The following MAD1L1 variants were observed in gnomAD, a reference collection of about 807,000 sequenced individuals.
MAD1L1 encodes the protein mitotic spindle assembly checkpoint protein MAD1.
In MAD1L1, 95 loss-of-function variants were observed where a neutral mutation model predicts 96.9. The observed-to-expected ratio is 0.98, with a 90% CI of 0.83 to 1.16. MAD1L1 has a LOEUF of 1.16. Ranked by LOEUF, MAD1L1 falls within the 50% of genes most tolerant of loss-of-function variation. MAD1L1 has a pLI of 0.00. For missense variants in MAD1L1, 1,007 were observed against 954.4 expected (o/e 1.06, Z -0.73); for synonymous variants, 473 against 396.6 (o/e 1.19, Z -2.29).
chr7:2,202,690 C>T (rs541949956), intron 10 of MAD1L1, among the ~76,000 whole-genome samples: 1 of 152,336 alleles, frequency 6.6e-6, no homozygotes, highest in Non-Finnish European at 1.5e-5. Flanking sequence ...ACCTGACAGT[C>T]GCCCACCTTC....
At chr7:1,922,487 A>G (rs2128457071) in intron 17 of MAD1L1, among the ~76,000 whole-genome samples, 1 of 152,380 alleles carries the variant, frequency 6.6e-6, no homozygotes, top group East Asian at 1.9e-4. Context: ...AAGTGAGCTC[A>G]GCAAGGTTGC....
intron 16 of MAD1L1, among the ~76,000 whole-genome samples, chr7:1,937,511 G>C (rs1202542136): frequency 6.6e-6 from 1 of 152,134 alleles, no homozygotes; most frequent in Non-Finnish European, 1.5e-5. Flanking sequence ...CCTGTGGTGG[G>C]TGACCGACCC....
At chr7:2,048,126 G>A (rs1014833831) in intron 12 of MAD1L1, among the ~76,000 whole-genome samples, 1 of 152,202 alleles carries the variant, frequency 6.6e-6, no homozygotes, top group East Asian at 1.9e-4. Context: ...TAATGCTCAT[G>A]TGTGCATGCA....
At chr7:2,199,568 G>A (rs1378759125) in intron 10 of MAD1L1, among the ~76,000 whole-genome samples, 1 of 152,262 alleles carries the variant, frequency 6.6e-6, no homozygotes, top group Non-Finnish European at 1.5e-5. Context: ...GATGTCCCTG[G>A]AGTTTCGATT....
intron 11 of MAD1L1, among the ~76,000 whole-genome samples, chr7:2,112,663 T>C (rs1584350908): frequency 6.6e-6 from 1 of 152,150 alleles, no homozygotes; most frequent in African/African-American, 2.4e-5. Context: ...GGGTGCTGGA[T>C]GGAGCCAGTG....
intron 10 of MAD1L1, among the ~76,000 whole-genome samples, chr7:2,182,874 G>T (rs1471015944): frequency 6.6e-5 from 10 of 152,144 alleles, no homozygotes; most frequent in Non-Finnish European, 1.5e-4. Context: ...TTAGACAGTA[G>T]GTATGAGTGT....
chr7:1,884,833 G>A (rs867643133), intron 18 of MAD1L1, among the ~76,000 whole-genome samples: 4 of 152,250 alleles, frequency 2.6e-5, no homozygotes, highest in Admixed American at 6.5e-5. Context: ...AGGCCACAGC[G>A]CCCTCAGACG....
At chr7:1,957,971 G>A (rs147654921) in intron 15 of MAD1L1, among the ~76,000 whole-genome samples, 64 of 152,368 alleles carry the variant, frequency 4.2e-4, no homozygotes, top group Non-Finnish European at 4.1e-4. Context: ...GAAAGTCTCT[G>A]TCGACCACAC....
chr7:2,059,508 G>C (rs535417082), intron 12 of MAD1L1, among the ~76,000 whole-genome samples: 1 of 150,864 alleles, frequency 6.6e-6, no homozygotes, highest in African/African-American at 2.4e-5. Context: ...GGAAAGGTGC[G>C]GGGCTGGAAA....
At chr7:1,935,453 C>T (rs1778541289) in intron 17 of MAD1L1, among the ~76,000 whole-genome samples, 1 of 152,210 alleles carries the variant, frequency 6.6e-6, no homozygotes, top group African/African-American at 2.4e-5. Context: ...GGGCACACCA[C>T]CCGCTAGCCA....
At chr7:1,951,328 C>A (rs573384653) in intron 16 of MAD1L1, among the ~76,000 whole-genome samples, 1 of 152,230 alleles carries the variant, frequency 6.6e-6, no homozygotes, top group African/African-American at 2.4e-5. Flanking sequence ...GGACAGAGGC[C>A]GTGTGAGGGC....
intron 10 of MAD1L1, among the ~76,000 whole-genome samples, chr7:2,186,984 G>C (rs575899070): frequency 6.6e-6 from 1 of 151,870 alleles, no homozygotes; most frequent in African/African-American, 2.4e-5. Flanking sequence ...GTAGAGACGA[G>C]GTTTCGCCAT....
chr7:1,941,199 G>T (rs1778981132), intron 16 of MAD1L1, among the ~76,000 whole-genome samples: 1 of 152,198 alleles, frequency 6.6e-6, no homozygotes, highest in South Asian at 2.1e-4. Flanking sequence ...GGACCCAGCA[G>T]TGCCTGAGGA....
chr7:1,849,913 A>C (rs1783874002), intron 18 of MAD1L1: 1 of 152,196 alleles, frequency 6.6e-6, no homozygotes, highest in Non-Finnish European at 1.5e-5. Context: ...TTATTTAATA[A>C]AACAAGAGCC....
At chr7:1,887,725 G>T (rs1007427247) in intron 18 of MAD1L1, among the ~76,000 whole-genome samples, 1 of 151,160 alleles carries the variant, frequency 6.6e-6, no homozygotes, top group Non-Finnish European at 1.5e-5. Context: ...GTGCATACAT[G>T]CATGTATGTG....
chr7:2,199,838 C>A (rs533791087), intron 10 of MAD1L1, among the ~76,000 whole-genome samples: 30 of 152,358 alleles, frequency 2.0e-4, no homozygotes, highest in African/African-American at 6.5e-4. Context: ...TGCTTCCCAA[C>A]GCCATGCTGG....
intron 18 of MAD1L1, among the ~76,000 whole-genome samples, chr7:1,823,925 C>T (rs529055916): frequency 9.8e-5 from 15 of 152,296 alleles, no homozygotes; most frequent in African/African-American, 3.4e-4. Context: ...GTGCTGCAAG[C>T]GCCGCTCCGG....
chr7:2,110,910 C>T (rs1045628196), intron 11 of MAD1L1, among the ~76,000 whole-genome samples: 4 of 152,138 alleles, frequency 2.6e-5, no homozygotes, highest in African/African-American at 7.2e-5. Context: ...GAGGAGATGA[C>T]GGCGCGGGCA....
rs568414891 is a variant in MAD1L1 at position 1,970,098 on chromosome 7, T to C, written c.1505+10355A>G. Among the ~76,000 whole-genome samples, 9 of 152,208 alleles carry C rather than the reference T, an allele frequency of 5.9e-5. No homozygotes were observed. The East Asian group carries it at 1.7e-3, about 29-fold the overall frequency. On this transcript the variant is annotated intron_variant, in intron 15 of 18. Transcript: ENST00000265854. ...CGTTGTGCTGAATGAAAGGAGCCAG[T>C]CTCAAAAGACTGCATGTTGTAGGAC...
Sources: allele counts gnomAD v4.1 joint callset (sites outside exome capture counted in the v4.1 genomes callset), GRCh38; gene constraint gnomAD v4.1.1; transcripts MANE v1.5; gene names NCBI Gene and HGNC (gene_info 2026-07-23, HGNC 2026-07-21).